The following POLE variants were observed in gnomAD, a reference collection of about 807,000 sequenced individuals.
The protein encoded by POLE is DNA polymerase epsilon catalytic subunit A.
POLE carries 188 observed loss-of-function variants against 279.2 expected under a neutral mutation model. The ratio of observed to expected loss-of-function variants is 0.67; its 90% CI spans 0.60 to 0.76. The LOEUF is 0.76. Among genes scored for constraint, POLE ranks in the 30% least tolerant of loss-of-function variants. The pLI is 0.00. For synonymous variants in POLE, 1,214 were observed against 1,172.5 expected (o/e 1.04, Z -0.72); for missense variants, 2,703 against 3,016.7 (o/e 0.90, Z 2.44).
chr12:132,675,957 GAA>G lies in POLE; in HGVS notation c.1020+135_1020+136del. ...CCCGCCCCTCCGCCCGTCTCTGGCAGAAAAGACGGTCATACCCTGAGAACAAA... is the reference window on the plus strand; with the variant it reads ...CCCGCCCCTCCGCCCGTCTCTGGCAGAAGACGGTCATACCCTGAGAACAAA... On this transcript the variant is annotated intron_variant, in intron 10 of 48. Transcript: ENST00000320574. This position sits in a 1 kb window ranked among gnomAD's most constrained non-coding sequence, Gnocchi z 4.3. The G allele has an allele frequency of 1.1e-6, 1 of 941,114 alleles. No homozygotes were observed. Among genetic ancestry groups the G allele is most frequent in the East Asian group, 2.4e-5 (1 of 41,268 alleles). The allele number at this position is 941,114 out of a possible 1,614,324, so 58.3% of individuals were successfully genotyped here.
chr12:132,665,481 C>T, intron 20 of POLE, 31 bp from the exon 21 acceptor site: 1 of 1,580,140 alleles, frequency 6.3e-7, no homozygotes, highest in South Asian at 1.1e-5. Flanking sequence ...GAGCACCTCA[C>T]AGATTCTTCC....
chr12:132,665,210 C>G, intron 21 of POLE, 92 bp downstream of exon 21: 3 of 1,304,498 alleles, frequency 2.3e-6, no homozygotes, highest in South Asian at 2.6e-5. Flanking sequence ...GATGAACGGC[C>G]CTCCATGCAC....
At chr12:132,659,767 A>C in intron 25 of POLE, 1 of 432,302 alleles carries the variant, frequency 2.3e-6, no homozygotes, top group South Asian at 2.6e-5. Flanking sequence ...ATCTCAACTC[A>C]CTAAAACCTC....
At position 132,661,720 on chromosome 12, in the gene POLE, C is replaced by G. The variant is rs2135950077; in HGVS notation, c.2707-36G>C. The G allele has an allele frequency of 2.5e-6, 4 of 1,606,420 alleles. No individual in the cohort carries two copies. In the African/African-American group the frequency reaches 5.3e-5, roughly 21 times the overall value. On this transcript the variant is annotated intron_variant, in intron 23 of 48. Coordinates refer to ENST00000320574, the MANE Select transcript of POLE (RefSeq NM_006231.4). This position sits in a 1 kb window ranked among gnomAD's most constrained non-coding sequence, Gnocchi z 4.1. ...AGAGTGAAGAGGGGGCAGCTTCACT[C>G]ATGATGGCCCAAACCTGGAAACCAC...
chr12:132,635,564 G>A (rs1241927092), intron 42 of POLE, among the ~76,000 whole-genome samples: 1 of 152,256 alleles, frequency 6.6e-6, no homozygotes, highest in Non-Finnish European at 1.5e-5. Flanking sequence ...CTTGTGCTTT[G>A]CCTCCCTGGT....
chr12:132,629,410 G>A (rs1194972338), intron 45 of POLE, among the ~76,000 whole-genome samples: 2 of 152,328 alleles, frequency 1.3e-5, no homozygotes, highest in South Asian at 2.1e-4. Context: ...TTGTCTACAC[G>A]GAAAATATGT....
chr12:132,659,819 G>T (rs2042639323), intron 25 of POLE: 1 of 309,648 alleles, frequency 3.2e-6, no homozygotes, highest in Non-Finnish European at 6.1e-6. Flanking sequence ...AGCCTCCCAA[G>T]TAGCTGAGAT....
intron 32 of POLE, among the ~76,000 whole-genome samples, chr12:132,647,285 TGA>T (rs1319366442): frequency 6.6e-5 from 10 of 151,860 alleles, no homozygotes; most frequent in Non-Finnish European, 1.5e-4. Context: ...GGTGATGGAG[TGA>T]GAGACCTTCT....
At chr12:132,666,902 C>T (rs140256234) in intron 20 of POLE, among the ~76,000 whole-genome samples, 62 of 152,252 alleles carry the variant, frequency 4.1e-4, no homozygotes, top group African/African-American at 1.2e-3. Flanking sequence ...GAACATGTGA[C>T]GATGAGTTCA....
At position 132,624,825 on chromosome 12, in the gene POLE, A is replaced by G. The variant is rs2138422258; in HGVS notation, c.6748-15T>C. 1.9e-6 allele frequency: 3 copies of G among 1,596,066 alleles called. No homozygotes were observed. Among genetic ancestry groups the G allele is most frequent in the Non-Finnish European group, 1.7e-6 (2 of 1,163,570 alleles). ...TCCATGAAGACCTGCAGGAATAAAC[A>G]GGCACAGTGAGACCCCAGTCCACTC... On this transcript the variant is annotated splice_polypyrimidine_tract_variant and intron_variant, in intron 48 of 48. Transcript: ENST00000320574.
rs1405389237 is a variant in POLE at position 132,687,258 on chromosome 12, T to C, written c.58A>G (p.Ser20Gly). Residue 20 changes from serine (S) to glycine (G), a missense_variant, in exon 1 of 49, where the codon AGC (serine) becomes GGC (glycine). By Grantham distance (56) the Ser-to-Gly change is moderately conservative (BLOSUM62 0). This residue lies in a region of POLE where 1,011 missense variants were observed against 1,111.7 expected (regional missense o/e 0.91). Transcript: ENST00000320574. ...CCTCAGGAGGGCGCCCCTCACCTGC[T>C]GGCCTCGCCATCCGCGCCTGGGTCC... ...RADPGADGEA[S>G]RDDGATSSVS... The C allele has an allele frequency of 2.7e-6, 4 of 1,495,596 alleles. No individual in the cohort carries two copies. Among genetic ancestry groups the C allele is most frequent in the African/African-American group, 1.4e-5 (1 of 69,114 alleles). 92.6% of individuals were successfully genotyped at this position (1,495,596 alleles called of 1,614,324 possible).
intron 23 of POLE, among the ~76,000 whole-genome samples, chr12:132,662,825 C>A (rs575692781): frequency 6.6e-6 from 1 of 152,310 alleles, no homozygotes; most frequent in African/African-American, 2.4e-5. Context: ...GAGCAGGAAG[C>A]CACTCCGGTC....
At chr12:132,635,721 C>A (rs1264338269) in intron 42 of POLE, among the ~76,000 whole-genome samples, 171 bp downstream of exon 42, 1 of 152,272 alleles carries the variant, frequency 6.6e-6, no homozygotes, top group East Asian at 1.9e-4. Flanking sequence ...ACACTCCACA[C>A]TGACGTGCTT....
Position 132,642,631 on chromosome 12 carries a change from C to CA in POLE, c.4826dup (p.Pro1610AlafsTer6), listed in dbSNP as rs2138535602. The CA allele has an allele frequency of 1.2e-6, 2 of 1,613,406 alleles. No homozygotes were observed. Among genetic ancestry groups the CA allele is most frequent in the Non-Finnish European group, 1.7e-6 (2 of 1,180,038 alleles). On this transcript the variant is annotated frameshift_variant, in exon 37 of 49. Transcript: ENST00000320574. LOFTEE classifies it high-confidence loss of function. ...TGATCTTGTCAGCCACACAGATAGG[C>CA]ACCAGTGGGAATTCCTCCAAGACAG...
chr12:132,646,474 GTATAGCAGGTCCTCAA>G (rs1431314617), intron 32 of POLE, among the ~76,000 whole-genome samples: 1 of 150,440 alleles, frequency 6.6e-6, no homozygotes, highest in Admixed American at 6.6e-5. Flanking sequence ...GTGAAGTAAT[GTATAGCAGGTCCTCAA>G]ATAACATCAT....
chr12:132,654,720 A>C (rs1055160162), intron 29 of POLE, among the ~76,000 whole-genome samples: 1 of 152,158 alleles, frequency 6.6e-6, no homozygotes, highest in Non-Finnish European at 1.5e-5. Flanking sequence ...TGAGCCTGGG[A>C]GGTCAAGGCT....
At chr12:132,642,103 T>G in intron 38 of POLE, 74 bp downstream of exon 38, 1 of 1,300,166 alleles carries the variant, frequency 7.7e-7, no homozygotes, top group South Asian at 1.4e-5. Flanking sequence ...TCGGCACTAT[T>G]GCCTTGAGAA....
chr12:132,625,046 T>A lies in POLE; in HGVS notation c.6658-52A>T, dbSNP rs762458427. Reference sequence around the variant, plus strand: ...CCAGCCCTCCCGCGCTGGCCAGACCTGCCTGCTGCTTCTTCACAGGCTCGC... The same window carrying A: ...CCAGCCCTCCCGCGCTGGCCAGACCAGCCTGCTGCTTCTTCACAGGCTCGC... On this transcript the variant is annotated intron_variant, in intron 47 of 48. Coordinates refer to ENST00000320574, the MANE Select transcript of POLE (RefSeq NM_006231.4). The A allele has an allele frequency of 5.9e-6, 8 of 1,355,510 alleles. No individual in the cohort carries two copies. The East Asian group carries it at 1.8e-4, about 31-fold the overall frequency. 84.0% of individuals were successfully genotyped at this position (1,355,510 alleles called of 1,614,324 possible).
At chr12:132,678,584 A>G (rs1474104108) in intron 6 of POLE, among the ~76,000 whole-genome samples, 1 of 152,174 alleles carries the variant, frequency 6.6e-6, no homozygotes, top group Non-Finnish European at 1.5e-5. Context: ...CTCAAAACAA[A>G]TAAGTAAATA....
Sources: gnomAD v4.1 joint callset for allele counts (sites outside exome capture counted in the v4.1 genomes callset) on GRCh38, gnomAD v4.1.1 for gene constraint, gnomAD v4.1.1 regional missense constraint, Gnocchi (gnomAD v3.1) non-coding constraint, MANE v1.5 for transcripts, NCBI Gene and HGNC (gene_info 2026-07-23, HGNC 2026-07-21) for gene names.